The following HPN variants were observed in gnomAD, a reference collection of about 807,000 sequenced individuals.
HPN encodes the protein hepsin.
In HPN, 13 loss-of-function variants were observed where a neutral mutation model predicts 55.9. That is an observed-to-expected ratio of 0.23 (90% CI 0.15 to 0.37). The LOEUF is 0.37. Ranked by LOEUF, HPN falls within the 10% of genes least tolerant of loss-of-function variation. HPN has a pLI of 1.00. For missense variants in HPN, 451 were observed against 575.8 expected (o/e 0.78, Z 2.22); for synonymous variants, 225 against 240.3 (o/e 0.94, Z 0.59).
At chr19:35,058,003 A>G (rs1250700181) in intron 4 of HPN, among the ~76,000 whole-genome samples, 1 of 151,702 alleles carries the variant, frequency 6.6e-6, no homozygotes, top group South Asian at 2.1e-4. Context: ...ATACAAAAAA[A>G]TTAGCTGGGC....
chr19:35,044,229 T>C lies in HPN; in HGVS notation c.16+1707T>C, dbSNP rs367754093. On this transcript the variant is annotated intron_variant, in intron 2 of 12. Coordinates refer to ENST00000672452, the MANE Select transcript of HPN (RefSeq NM_001384133.1). The stretch of plus-strand genomic sequence containing the variant: ...GAGCCGTTGTGGCTGCAGCGGCTGC[T>C]GTTGTTGGTGTCACTGTTATTGCTG... 3.5e-4 allele frequency among the ~76,000 whole-genome samples: 54 copies of C among 152,318 alleles called. 1 individual carries two copies. The South Asian group carries it at 5.0e-3, about 14-fold the overall frequency.
intron 4 of HPN, among the ~76,000 whole-genome samples, chr19:35,055,892 C>T (rs1348590704): frequency 1.3e-5 from 2 of 152,194 alleles, no homozygotes; most frequent in African/African-American, 2.4e-5. Flanking sequence ...CTGGTGACCA[C>T]CTGAGTCAGG....
chr19:35,056,522 A>G (rs777181044), intron 4 of HPN, among the ~76,000 whole-genome samples: 8 of 152,194 alleles, frequency 5.3e-5, no homozygotes, highest in Non-Finnish European at 7.3e-5. Context: ...GAGGGGTTTC[A>G]GGGGACATCT....
In HPN at chr19:35,065,269, C is replaced by T; in HGVS notation, c.831C>T (p.Cys277=). ...TCACAGAATACATCCAGCCTGTGTG[C>T]CTCCCAGCTGCCGGCCAGGCCCTGG... The part of the protein sequence containing the change: ...LPLTEYIQPV[C]LPAAGQALVD... Residue 277 remains cysteine, a synonymous_variant, in exon 10 of 13, where the codon TGC becomes TGT. Transcript: ENST00000672452. The T allele has an allele frequency of 1.2e-6, 2 of 1,613,634 alleles. No individual in the cohort carries two copies. Among genetic ancestry groups the T allele is most frequent in the Non-Finnish European group, 1.7e-6 (2 of 1,179,720 alleles).
rs992587757 is a variant in HPN at position 35,041,967 on chromosome 19, G to C, written c.-55+95G>C. On this transcript the variant is annotated intron_variant, in intron 1 of 12. Transcript: ENST00000672452. The stretch of plus-strand genomic sequence containing the variant: ...GCCTAATGCCCACCTCCTAATAGAG[G>C]GGTTCCTGGGGACCTGAAGAGGGGG... 6.6e-6 allele frequency: 8 copies of C among 1,203,894 alleles called. No homozygotes were observed. The Admixed American group carries it at 1.4e-4, about 22-fold the overall frequency. 74.6% of individuals were successfully genotyped at this position (1,203,894 alleles called of 1,614,324 possible).
At chr19:35,059,200 A>T in intron 4 of HPN, 2 of 317,284 alleles carry the variant, frequency 6.3e-6, no homozygotes, top group South Asian at 5.1e-5. Flanking sequence ...CTGTAATCCC[A>T]CCTGTAATCC....
chr19:35,066,159 T>A (rs889271304), intron 12 of HPN, 90 bp from the exon 13 acceptor site: 2 of 1,613,296 alleles, frequency 1.2e-6, no homozygotes, highest in Admixed American at 3.3e-5. Flanking sequence ...TGGGAACAGA[T>A]GGACTTTGAA....
intron 4 of HPN, among the ~76,000 whole-genome samples, chr19:35,051,821 T>C (rs2064408665): frequency 6.6e-6 from 1 of 152,086 alleles, no homozygotes; most frequent in Admixed American, 6.5e-5. Context: ...TTGGGGGAAA[T>C]TGAGTCCCAG....
Position 35,060,141 on chromosome 19 carries a change from A to G in HPN, c.426A>G (p.Arg142=). The G allele has an allele frequency of 1.2e-6, 2 of 1,614,140 alleles. No individual in the cohort carries two copies. The highest frequency in any genetic ancestry group is 8.5e-7 in the Non-Finnish European group (1 of 1,180,016). Residue 142 remains arginine (R), a synonymous_variant, in exon 7 of 13, where the codon AGA becomes AGG. Coordinates refer to ENST00000672452, the MANE Select transcript of HPN (RefSeq NM_001384133.1). ...LEVISVCDCP[R]GRFLAAICQD... ...CCATCTCTCCCAGTGATTGCCCCAG[A>G]GGCCGTTTCTTGGCCGCCATCTGCC...
chr19:35,042,099 C>T, intron 1 of HPN: 1 of 1,114,874 alleles, frequency 9.0e-7, no homozygotes, highest in Non-Finnish European at 1.1e-6. Context: ...TTCCAGCCCT[C>T]AGGCCCCTCC....
intron 4 of HPN, among the ~76,000 whole-genome samples, chr19:35,052,343 C>T (rs549010714): frequency 3.9e-5 from 6 of 152,044 alleles, no homozygotes; most frequent in Non-Finnish European, 5.9e-5. Flanking sequence ...GCCTGGCCAA[C>T]GTGGTGAAAC....
chr19:35,059,522 C>G (rs755493562), intron 4 of HPN, 151 bp from the exon 5 acceptor site: 1 of 955,414 alleles, frequency 1.0e-6, no homozygotes, highest in African/African-American at 1.6e-5. Context: ...CAGATGCAAT[C>G]GCAGATGTGG....
intron 4 of HPN, chr19:35,050,481 G>A (rs765138528): frequency 7.8e-7 from 1 of 1,288,322 alleles, no homozygotes; most frequent in South Asian, 1.2e-5. Context: ...ACATGCAGCT[G>A]GGGAACGAGG....
In HPN at chr19:35,041,846, C is replaced by T; in HGVS notation, c.-81C>T. Reference sequence around the variant, plus strand: ...ACCCGACCCCGGCACTACCTCGAGGCTCCGCCCCCACCTGCTGGACCCCAG... The same window carrying T: ...ACCCGACCCCGGCACTACCTCGAGGTTCCGCCCCCACCTGCTGGACCCCAG... On this transcript the variant is annotated 5_prime_UTR_variant, in exon 1 of 13. Transcript: ENST00000672452. 7.4e-7 allele frequency: 1 copy of T among 1,343,166 alleles called. No individual in the cohort carries two copies. The highest frequency in any genetic ancestry group is 9.8e-7 in the Non-Finnish European group (1 of 1,017,908). 83.2% of individuals were successfully genotyped at this position (1,343,166 alleles called of 1,614,324 possible). A position where few individuals can be genotyped will look rare whatever the true frequency, so the allele number is the denominator to read the frequency against.
chr19:35,059,981 A>C lies in HPN; in HGVS notation c.398A>C (p.Glu133Ala), dbSNP rs1414925367. ...CTGCCCCACACCCAGAGGCTGCTGGAGGTCATCTCCGTGTGGTGAGGAGGG... is the reference window on the plus strand; with the variant it reads ...CTGCCCCACACCCAGAGGCTGCTGGCGGTCATCTCCGTGTGGTGAGGAGGG... ...GRLPHTQRLL[E>A]VISVCDCPRG... The change falls in exon 6 of 13, where the codon GAG becomes GCG. Residue 133 changes from glutamate (E) to alanine (A), a missense_variant. By Grantham distance (107) the Glu-to-Ala change is moderately radical (BLOSUM62 -1). Around this residue, in one of 2 missense-constraint regions of HPN, gnomAD observed 378 missense variants for 445.5 expected, o/e 0.85. Transcript: ENST00000672452. 6.4e-7 allele frequency: 1 copy of C among 1,568,626 alleles called. No homozygotes were observed. The highest frequency in any genetic ancestry group is 8.7e-7 in the Non-Finnish European group (1 of 1,155,926).
intron 9 of HPN, among the ~76,000 whole-genome samples, chr19:35,064,417 C>T (rs541849219): frequency 2.0e-5 from 3 of 151,802 alleles, no homozygotes; most frequent in Admixed American, 6.5e-5. Flanking sequence ...GGCGCAATCT[C>T]GGCTCCCTGC....
Position 35,066,017 on chromosome 19 carries a change from C to A in HPN, c.1200C>A (p.Ile400=), listed in dbSNP as rs752001633. ...YTKVSDFREW[I]FQAIKTHSEA... ...AAGTCAGTGACTTCCGGGAGTGGATCTTCCAGGCCATAAAGGTGAAAGTTG... is the reference window on the plus strand; with the variant it reads ...AAGTCAGTGACTTCCGGGAGTGGATATTCCAGGCCATAAAGGTGAAAGTTG... The change falls in exon 12 of 13, where the codon ATC becomes ATA. Residue 400 remains isoleucine (I), a synonymous_variant. Coordinates refer to ENST00000672452, the MANE Select transcript of HPN (RefSeq NM_001384133.1). 1.2e-6 allele frequency: 2 copies of A among 1,611,316 alleles called. No homozygotes were observed. The highest frequency in any genetic ancestry group is 2.2e-5 in the East Asian group (1 of 44,876).
intron 4 of HPN, among the ~76,000 whole-genome samples, chr19:35,052,571 G>T (rs2151759275): frequency 6.8e-6 from 1 of 147,848 alleles, no homozygotes; most frequent in East Asian, 2.0e-4. Context: ...TGCAGTACTT[G>T]CCTCTTAGCC....
rs1204553247 is a variant in HPN at position 35,050,940 on chromosome 19, G to A, written c.160+1424G>A. Among the ~76,000 whole-genome samples the A allele has an allele frequency of 1.4e-3, 103 of 75,668 alleles. 1 individual carries two copies. The highest frequency in any genetic ancestry group is 5.8e-3 in the African/African-American group (100 of 17,236). 49.6% of individuals were successfully genotyped at this position (75,668 alleles called of 152,430 possible). A position where few individuals can be genotyped will look rare whatever the true frequency, so the allele number is the denominator to read the frequency against. On this transcript the variant is annotated intron_variant, in intron 4 of 12. Transcript: ENST00000672452. ...TTTTTTTTTTTTTTTTTTTTGAGATGGGGTCTTGCTCTGTCGCCCAGGCTG... is the reference window on the plus strand; with the variant it reads ...TTTTTTTTTTTTTTTTTTTTGAGATAGGGTCTTGCTCTGTCGCCCAGGCTG...
Sources: allele counts gnomAD v4.1 joint callset (sites outside exome capture counted in the v4.1 genomes callset), GRCh38; gene constraint gnomAD v4.1.1; regional missense constraint gnomAD v4.1.1; transcripts MANE v1.5; gene names NCBI Gene and HGNC (gene_info 2026-07-23, HGNC 2026-07-21).